The following RHBDD1 variants were observed in gnomAD, a reference collection of about 807,000 sequenced individuals.
The protein encoded by RHBDD1 is rhomboid-related protein 4.
In RHBDD1, 38 loss-of-function variants were observed where a neutral mutation model predicts 36.3. The ratio of observed to expected loss-of-function variants is 1.05; its 90% CI spans 0.81 to 1.37. The LOEUF is 1.37. Ranked by LOEUF, RHBDD1 falls within the 40% of genes most tolerant of loss-of-function variation. The probability of loss-of-function intolerance (pLI) is 0.00; values close to 1 mark genes in which losing one functional copy is unlikely to be tolerated. For missense variants in RHBDD1, 393 were observed against 377.6 expected, an observed-to-expected ratio of 1.04 and a Z score of -0.34; for synonymous variants, 151 against 136.5, an observed-to-expected ratio of 1.11 and a Z score of -0.74.
chr2:226,856,553 A>C (rs1943346847), intron 3 of RHBDD1, among the ~76,000 whole-genome samples: 2 of 152,212 alleles, frequency 1.3e-5, no homozygotes, highest in Non-Finnish European at 2.9e-5. Context: ...TGGAGCAAAC[A>C]GTTTCATAAG....
At chr2:226,835,108 A>G (rs1345113355), upstream of RHBDD1, among the ~76,000 whole-genome samples, 1 of 152,058 alleles carries the variant, frequency 6.6e-6, no homozygotes, top group Non-Finnish European at 1.5e-5. Flanking sequence ...ACAAGGTCTC[A>G]CTATGTTGTC....
At chr2:226,928,414 C>G (rs1387637250) in intron 8 of RHBDD1, among the ~76,000 whole-genome samples, 1 of 151,798 alleles carries the variant, frequency 6.6e-6, no homozygotes, top group Non-Finnish European at 1.5e-5. Flanking sequence ...TTTGGGTTAA[C>G]AATGATATCA....
the RHBDD1 span, among the ~76,000 whole-genome samples, chr2:226,828,697 T>C: frequency 6.6e-6 from 1 of 151,630 alleles, no homozygotes; most frequent in African/African-American, 2.4e-5. Context: ...TTATTACTCA[T>C]ATATCTTCTT....
intron 8 of RHBDD1, among the ~76,000 whole-genome samples, chr2:226,926,342 T>G (rs1233751741): frequency 2.0e-5 from 3 of 152,200 alleles, no homozygotes; most frequent in Admixed American, 2.0e-4. Context: ...TATGAAATTT[T>G]CTAATTTTCT....
intron 8 of RHBDD1, among the ~76,000 whole-genome samples, chr2:226,948,490 C>T (rs947803349): frequency 2.8e-5 from 4 of 143,986 alleles, no homozygotes; most frequent in African/African-American, 1.0e-4. Flanking sequence ...GTGGGTGCAG[C>T]GCACCAGCAT....
rs1944177631 is a variant in RHBDD1 at position 226,864,748 on chromosome 2, A to G, written c.55A>G (p.Ile19Val). The change falls in exon 4 of 9, where the codon ATC becomes GTC. Residue 19 changes from isoleucine to valine, a missense_variant. Transcript: ENST00000392062. Reference sequence around the variant, plus strand: ...TGGACTTATTCTACTCCTTTCTCAAATCTTCCATGTTGGGATCAACAATAT... The same window carrying G: ...TGGACTTATTCTACTCCTTTCTCAAGTCTTCCATGTTGGGATCAACAATAT... ...NTGLILLLSQ[I>V]FHVGINNIPP... The G allele has an allele frequency of 6.2e-7, 1 of 1,614,154 alleles. No homozygotes were observed. Among genetic ancestry groups the G allele is most frequent in the East Asian group, 2.2e-5 (1 of 44,888 alleles).
chr2:226,815,603 G>GT, the RHBDD1 span, among the ~76,000 whole-genome samples: 5 of 152,088 alleles, frequency 3.3e-5, no homozygotes, highest in Non-Finnish European at 7.4e-5. Context: ...TCTAAAGACT[G>GT]TGAACTCAAC....
chr2:226,913,387 G>A (rs1022999009), intron 7 of RHBDD1, among the ~76,000 whole-genome samples: 1 of 152,194 alleles, frequency 6.6e-6, no homozygotes, highest in African/African-American at 2.4e-5. Context: ...ATGCCAGAAT[G>A]AGATTGGTAA....
intron 3 of RHBDD1, among the ~76,000 whole-genome samples, chr2:226,863,761 T>A (rs148271954): frequency 6.6e-6 from 1 of 152,318 alleles, no homozygotes; most frequent in East Asian, 1.9e-4. Context: ...GTAGTATCCC[T>A]TCCTCCACAT....
chr2:226,948,564 TAAAAAAA>T (rs56325989), intron 8 of RHBDD1, among the ~76,000 whole-genome samples: 3 of 23,558 alleles, frequency 1.3e-4, no homozygotes, highest in East Asian at 1.0e-3. Flanking sequence ...ACTTAAAGTA[TAAAAAAA>T]AAAAAAAAAA....
At chr2:226,886,425 G>T (rs10209975) in intron 5 of RHBDD1, among the ~76,000 whole-genome samples, 28,395 of 152,120 alleles carry the variant, frequency 0.19, 4,341 homozygotes, top group African/African-American at 0.42. Flanking sequence ...CACAGAGCTA[G>T]AAGGCAAAGT....
At chr2:226,954,198 A>C (rs529383657) in intron 8 of RHBDD1, among the ~76,000 whole-genome samples, 1 of 152,232 alleles carries the variant, frequency 6.6e-6, no homozygotes, top group East Asian at 1.9e-4. Flanking sequence ...AGAGAAACAG[A>C]GATACATAGA....
intron 8 of RHBDD1, among the ~76,000 whole-genome samples, chr2:226,944,206 G>A (rs1178434766): frequency 1.3e-5 from 2 of 152,188 alleles, no homozygotes; most frequent in Non-Finnish European, 2.9e-5. Flanking sequence ...TACTTAATCA[G>A]CAGTGTGGTT....
At chr2:226,994,085 C>G (rs1958866994) in intron 8 of RHBDD1, among the ~76,000 whole-genome samples, 1 of 152,228 alleles carries the variant, frequency 6.6e-6, no homozygotes, top group African/African-American at 2.4e-5. Flanking sequence ...GAGAGCTGGA[C>G]TGCGGGCACC....
intron 3 of RHBDD1, among the ~76,000 whole-genome samples, chr2:226,841,804 A>T (rs756387642): frequency 3.3e-5 from 5 of 152,176 alleles, no homozygotes; most frequent in Admixed American, 6.5e-5. Context: ...TCCTTTGGGT[A>T]TATACCCAGT....
At chr2:226,827,856 G>A in the RHBDD1 span, among the ~76,000 whole-genome samples, 1 of 152,192 alleles carries the variant, frequency 6.6e-6, no homozygotes, top group Non-Finnish European at 1.5e-5. Flanking sequence ...GCATGTGGAT[G>A]GGTAGGGCCT....
At chr2:226,899,449 T>C (rs974845695) in intron 5 of RHBDD1, among the ~76,000 whole-genome samples, 3 of 152,184 alleles carry the variant, frequency 2.0e-5, no homozygotes, top group Admixed American at 6.5e-5. Flanking sequence ...AATACACAAG[T>C]GCTGCATATC....
chr2:226,874,608 G>A (rs187735432), intron 5 of RHBDD1, among the ~76,000 whole-genome samples: 1 of 152,188 alleles, frequency 6.6e-6, no homozygotes, highest in East Asian at 1.9e-4. Flanking sequence ...TTTTCTATCT[G>A]TGTTAAATAT....
chr2:226,940,193 C>T (rs182631767), intron 8 of RHBDD1, among the ~76,000 whole-genome samples: 5 of 152,130 alleles, frequency 3.3e-5, no homozygotes, highest in Non-Finnish European at 7.4e-5. Flanking sequence ...TGTTGGGATT[C>T]GATCAGGCTG....
Sources: gnomAD v4.1 joint callset for allele counts (sites outside exome capture counted in the v4.1 genomes callset) on GRCh38, gnomAD v4.1.1 for gene constraint, MANE v1.5 for transcripts, NCBI Gene and HGNC (gene_info 2026-07-23, HGNC 2026-07-21) for gene names.